CSMD3: variants seen among roughly 807,000 people sequenced by gnomAD.
CSMD3 encodes the protein CUB and sushi domain-containing protein 3.
CSMD3 carries 177 observed loss-of-function variants against 435.2 expected under a neutral mutation model. The ratio of observed to expected loss-of-function variants is 0.41; its 90% CI spans 0.36 to 0.46. CSMD3 has a LOEUF of 0.46. Among genes scored for constraint, CSMD3 ranks in the 20% least tolerant of loss-of-function variants. CSMD3 has a pLI of 0.34. For synonymous variants in CSMD3, 1,656 were observed against 1,520.5 expected (o/e 1.09, Z -2.07); for missense variants, 4,265 against 4,504.6 (o/e 0.95, Z 1.52).
intron 54 of CSMD3, among the ~76,000 whole-genome samples, chr8:112,293,057 G>A (rs1248266200): frequency 1.3e-5 from 2 of 152,004 alleles, no homozygotes; most frequent in African/African-American, 4.8e-5. Context: ...AAAGAAATCT[G>A]GGGAATAATT....
At chr8:113,135,435 T>G (rs2091393550) in intron 4 of CSMD3, among the ~76,000 whole-genome samples, 3 of 151,868 alleles carry the variant, frequency 2.0e-5, no homozygotes, top group South Asian at 4.2e-4. Context: ...AATTAATATA[T>G]ATTGTGCTCC....
intron 5 of CSMD3, among the ~76,000 whole-genome samples, chr8:113,063,007 TAA>T (rs2088683820): frequency 6.6e-6 from 1 of 151,724 alleles, no homozygotes; most frequent in Non-Finnish European, 1.5e-5. Context: ...AACTTATAAG[TAA>T]GAGTTAATTT....
At chr8:113,247,271 G>A (rs1385943737) in intron 3 of CSMD3, among the ~76,000 whole-genome samples, 1 of 152,100 alleles carries the variant, frequency 6.6e-6, no homozygotes, top group Non-Finnish European at 1.5e-5. Flanking sequence ...TCTGGCTCAG[G>A]TCAAAGAATG....
At chr8:112,593,040 C>T (rs1312299786) in intron 22 of CSMD3, among the ~76,000 whole-genome samples, 1 of 152,042 alleles carries the variant, frequency 6.6e-6, no homozygotes, top group East Asian at 1.9e-4. Context: ...AAATGTGGTT[C>T]CAAACGTAAT....
chr8:112,927,137 C>A (rs1471973713), intron 9 of CSMD3, among the ~76,000 whole-genome samples: 1 of 152,020 alleles, frequency 6.6e-6, no homozygotes, highest in East Asian at 1.9e-4. Context: ...TGTCTTTAAA[C>A]TAGCAATTTC....
At chr8:112,826,841 G>A (rs183531107) in intron 12 of CSMD3, among the ~76,000 whole-genome samples, 263 of 152,086 alleles carry the variant, frequency 1.7e-3, no homozygotes, top group African/African-American at 6.1e-3. Context: ...TAAATTTGAT[G>A]GTGTAGGAAC....
chr8:113,117,968 G>A (rs901716230), intron 4 of CSMD3, among the ~76,000 whole-genome samples: 2 of 152,136 alleles, frequency 1.3e-5, no homozygotes, highest in Admixed American at 1.3e-4. Context: ...GCTCATAGGT[G>A]GAAGGGACTT....
intron 3 of CSMD3, among the ~76,000 whole-genome samples, chr8:113,263,202 C>T (rs1347492223): frequency 6.6e-6 from 1 of 151,648 alleles, no homozygotes; most frequent in African/African-American, 2.4e-5. Context: ...GTGAAAGAAC[C>T]AAAAATATTG....
chr8:112,376,790 A>G (rs531669015), intron 38 of CSMD3, among the ~76,000 whole-genome samples: 8 of 152,296 alleles, frequency 5.3e-5, no homozygotes, highest in African/African-American at 1.9e-4. Flanking sequence ...TTCAACAAGT[A>G]TATTTTAATT....
intron 13 of CSMD3, among the ~76,000 whole-genome samples, chr8:112,724,852 C>T (rs982244562): frequency 1.2e-4 from 18 of 151,868 alleles, no homozygotes; most frequent in African/African-American, 4.4e-4. Context: ...CTGAAACCCT[C>T]GAATAAAAGT....
At chr8:112,894,620 A>G (rs574001413) in intron 10 of CSMD3, among the ~76,000 whole-genome samples, 2 of 151,464 alleles carry the variant, frequency 1.3e-5, no homozygotes, top group Non-Finnish European at 3.0e-5. Context: ...TTAGTATAAT[A>G]TCTGATATAT....
At chr8:112,670,253 A>T (rs1177544144) in intron 16 of CSMD3, among the ~76,000 whole-genome samples, 2 of 152,190 alleles carry the variant, frequency 1.3e-5, no homozygotes, top group African/African-American at 4.8e-5. Flanking sequence ...AAATGCATAG[A>T]GGATTGAGTT....
intron 22 of CSMD3, among the ~76,000 whole-genome samples, chr8:112,619,090 A>G (rs1032366165): frequency 6.6e-6 from 1 of 152,098 alleles, no homozygotes; most frequent in Non-Finnish European, 1.5e-5. Flanking sequence ...ATTTTAAATC[A>G]GTGCTTGGTG....
chr8:112,275,536 A>C (rs1184604525), intron 59 of CSMD3, among the ~76,000 whole-genome samples: 1 of 152,132 alleles, frequency 6.6e-6, no homozygotes. Flanking sequence ...AACAAGAGCG[A>C]AACTCCATCT....
chr8:112,814,781 C>CAA (rs112177665), intron 12 of CSMD3, among the ~76,000 whole-genome samples: 5 of 131,336 alleles, frequency 3.8e-5, no homozygotes, highest in African/African-American at 1.1e-4. Flanking sequence ...GACTCCATCT[C>CAA]AAAAAAAAAA....
chr8:112,631,300 C>A (rs749288847), intron 22 of CSMD3, among the ~76,000 whole-genome samples: 1 of 152,018 alleles, frequency 6.6e-6, no homozygotes, highest in Non-Finnish European at 1.5e-5. Flanking sequence ...TTGTTGCTTT[C>A]ACAATACAAT....
chr8:113,086,631 A>G (rs1472008920), intron 5 of CSMD3, among the ~76,000 whole-genome samples: 1 of 152,238 alleles, frequency 6.6e-6, no homozygotes, highest in East Asian at 1.9e-4. Context: ...CATCAGGCAT[A>G]TCTACTGAGT....
intron 13 of CSMD3, among the ~76,000 whole-genome samples, chr8:112,706,500 TA>T (rs996384035): frequency 6.6e-6 from 1 of 152,038 alleles, no homozygotes; most frequent in African/African-American, 2.4e-5. Flanking sequence ...GATGTGTGTG[TA>T]TTGGGGGTGA....
chr8:113,071,781 A>T (rs1171058983), intron 5 of CSMD3, among the ~76,000 whole-genome samples: 1 of 151,880 alleles, frequency 6.6e-6, no homozygotes, highest in African/African-American at 2.4e-5. Context: ...CTTTCAAACT[A>T]ATTCTTTGAA....
Sources: allele counts gnomAD v4.1 joint callset (sites outside exome capture counted in the v4.1 genomes callset), GRCh38; gene constraint gnomAD v4.1.1; transcripts MANE v1.5; gene names NCBI Gene and HGNC (gene_info 2026-07-23, HGNC 2026-07-21).